Variants in OPRM1 observed in about 807,000 individuals in gnomAD.
The protein encoded by OPRM1 is mu-type opioid receptor.
OPRM1 carries 27 observed loss-of-function variants against 31.8 expected under a neutral mutation model. That is an observed-to-expected ratio of 0.85 (90% CI 0.63 to 1.17). The LOEUF is 1.17. Among genes scored for constraint, OPRM1 ranks in the 50% most tolerant of loss-of-function variants. The pLI is 0.00. For missense variants in OPRM1, 536 were observed against 511.1 expected, an observed-to-expected ratio of 1.05 and a Z score of -0.47; for synonymous variants, 196 against 189.9, an observed-to-expected ratio of 1.03 and a Z score of -0.26.
At chr6:154,041,821 A>G (rs1780127160) in intron 1 of OPRM1, among the ~76,000 whole-genome samples, 1 of 152,178 alleles carries the variant, frequency 6.6e-6, no homozygotes, top group Non-Finnish European at 1.5e-5. Context: ...TCTGAAACAT[A>G]ATATTTTATT....
At chr6:154,081,154 G>A (rs1347662649) in intron 1 of OPRM1, among the ~76,000 whole-genome samples, 1 of 152,228 alleles carries the variant, frequency 6.6e-6, no homozygotes, top group African/African-American at 2.4e-5. Flanking sequence ...TGGGAACAGA[G>A]AGGTTGTGAG....
chr6:154,116,249 A>C (rs1229689535), intron 3 of OPRM1, among the ~76,000 whole-genome samples: 1 of 152,154 alleles, frequency 6.6e-6, no homozygotes, highest in Non-Finnish European at 1.5e-5. Flanking sequence ...TCAGGCTTTA[A>C]ATAGCTTCCT....
In OPRM1 at chr6:154,124,604, A is replaced by G. The variant is rs535629062; in HGVS notation, c.*5883A>G. ...TTTTGTCTCAATCTCAAAAAACAGT[A>G]AGTCTTTAATCCATTTGCATCAAAA... On this transcript the variant is annotated 3_prime_UTR_variant, in exon 4 of 4. Coordinates refer to ENST00000330432, the MANE Select transcript of OPRM1 (RefSeq NM_000914.5). 2.6e-5 allele frequency among the ~76,000 whole-genome samples: 4 copies of G among 152,312 alleles called. No individual in the cohort carries two copies. Among genetic ancestry groups the G allele is most frequent in the African/African-American group, 9.6e-5 (4 of 41,562 alleles).
In OPRM1 at chr6:154,089,283, CA is replaced by C. The variant is rs113749875; in HGVS notation, c.291-532del. Reference sequence around the variant, plus strand: ...ACCTATCACAATGACTGACACATTACAAAAAAAAAAATTAAAACCCTCACTG... The same window carrying C: ...ACCTATCACAATGACTGACACATTACAAAAAAAAAATTAAAACCCTCACTG... On this transcript the variant is annotated intron_variant, in intron 1 of 3. Coordinates refer to ENST00000330432, the MANE Select transcript of OPRM1 (RefSeq NM_000914.5). Among the ~76,000 whole-genome samples the C allele has an allele frequency of 3.3e-4, 48 of 145,302 alleles. No individual in the cohort carries two copies. The East Asian group carries it at 5.5e-3, about 17-fold the overall frequency.
rs559278882 is a variant in OPRM1 at position 154,171,536 on chromosome 6, A to C, written c.1165-75157A>C. On this transcript the variant is annotated intron_variant, in intron 3 of 3. Transcript: ENST00000337049. ...CTTTTTGTGATGCTGAAATGTTCCAAAATTAGATTGTGATGACAGCTGCAC... is the reference window on the plus strand; with the variant it reads ...CTTTTTGTGATGCTGAAATGTTCCACAATTAGATTGTGATGACAGCTGCAC... 5.8e-3 allele frequency among the ~76,000 whole-genome samples: 879 copies of C among 152,338 alleles called. 11 individuals carry two copies. The highest frequency in any genetic ancestry group is 0.021 in the African/African-American group (853 of 41,566).
intron 1 of OPRM1, among the ~76,000 whole-genome samples, chr6:154,033,523 G>A (rs1207679077): frequency 6.6e-6 from 1 of 152,178 alleles, no homozygotes; most frequent in African/African-American, 2.4e-5. Context: ...GGAGCATGAA[G>A]TTCAGGGAGG....
At chr6:154,182,180 A>G (rs1800943599) in intron 3 of OPRM1, among the ~76,000 whole-genome samples, 2 of 152,230 alleles carry the variant, frequency 1.3e-5, no homozygotes, top group Non-Finnish European at 2.9e-5. Flanking sequence ...TCATGAATCT[A>G]AGACAAGAGT....
chr6:154,138,468 G>C (rs1008097915), intron 3 of OPRM1, among the ~76,000 whole-genome samples: 1 of 152,136 alleles, frequency 6.6e-6, no homozygotes, highest in African/African-American at 2.4e-5. Flanking sequence ...AAGTCCTCCC[G>C]GTAAGGCTCA....
Position 154,126,968 on chromosome 6 carries a change from G to T in OPRM1, c.*8247G>T, listed in dbSNP as rs1323002970. Among the ~76,000 whole-genome samples, 1 of 152,120 alleles carries T rather than the reference G, an allele frequency of 6.6e-6. No individual in the cohort carries two copies. Among genetic ancestry groups the T allele is most frequent in the Non-Finnish European group, 1.5e-5 (1 of 68,022 alleles). On this transcript the variant is annotated 3_prime_UTR_variant, in exon 4 of 4. Transcript: ENST00000330432. ...CTACTAAAAATACAAAATTAGGAAG[G>T]CGTGGTGGTGCACGCCTGTAATCCC...
chr6:154,077,439 A>T (rs1788099556), intron 1 of OPRM1, among the ~76,000 whole-genome samples: 1 of 151,394 alleles, frequency 6.6e-6, no homozygotes, highest in Non-Finnish European at 1.5e-5. Flanking sequence ...TTTTTTAAAA[A>T]ACAAAATAAG....
intron 3 of OPRM1, among the ~76,000 whole-genome samples, chr6:154,226,055 C>T (rs955292820): frequency 1.3e-5 from 2 of 152,164 alleles, no homozygotes; most frequent in African/African-American, 4.8e-5. Context: ...TCTAACTATG[C>T]CTTCTTCTCT....
intron 1 of OPRM1, among the ~76,000 whole-genome samples, chr6:154,063,305 G>T (rs1304958953): frequency 6.6e-6 from 1 of 151,912 alleles, no homozygotes; most frequent in East Asian, 1.9e-4. Flanking sequence ...AGTTAGTAAA[G>T]CTTACTGTAC....
upstream of OPRM1, among the ~76,000 whole-genome samples, chr6:154,037,501 A>G (rs1779381750): frequency 6.6e-6 from 1 of 152,086 alleles, no homozygotes; most frequent in Non-Finnish European, 1.5e-5. Flanking sequence ...GTAGTTTCAG[A>G]GCAGATAGAC....
intron 3 of OPRM1, among the ~76,000 whole-genome samples, chr6:154,116,963 C>T (rs768057240): frequency 1.3e-5 from 2 of 152,146 alleles, no homozygotes; most frequent in Admixed American, 6.5e-5. Context: ...AACTTGACAC[C>T]GTTGTGCTTT....
At chr6:154,089,739 A>G in intron 1 of OPRM1, 87 bp from the exon 2 acceptor site, 5 of 875,044 alleles carry the variant, frequency 5.7e-6, no homozygotes, top group Non-Finnish European at 8.9e-6. Context: ...CTTTCTACTA[A>G]TTCATGCAAA....
At chr6:154,165,390 C>T (rs1385848391) in intron 3 of OPRM1, among the ~76,000 whole-genome samples, 1 of 152,186 alleles carries the variant, frequency 6.6e-6, no homozygotes, top group African/African-American at 2.4e-5. Flanking sequence ...CCAACATGAA[C>T]ATGCACACAT....
intron 3 of OPRM1, among the ~76,000 whole-genome samples, chr6:154,195,735 C>G (rs1044179878): frequency 6.6e-6 from 1 of 151,972 alleles, no homozygotes; most frequent in African/African-American, 2.4e-5. Context: ...CTAGTTCCTC[C>G]CACTCAGCCC....
intron 3 of OPRM1, among the ~76,000 whole-genome samples, chr6:154,208,113 T>C (rs1777652092): frequency 6.6e-6 from 1 of 152,190 alleles, no homozygotes; most frequent in Non-Finnish European, 1.5e-5. Context: ...AAGTTGATTA[T>C]ATCCCTCCTC....
chr6:154,085,594 A>G (rs565889032), intron 1 of OPRM1, among the ~76,000 whole-genome samples: 1 of 152,362 alleles, frequency 6.6e-6, no homozygotes, highest in South Asian at 2.1e-4. Flanking sequence ...CTGTGAGTCC[A>G]GATGAGTCTC....
Sources: gnomAD v4.1 joint callset for allele counts (sites outside exome capture counted in the v4.1 genomes callset) on GRCh38, gnomAD v4.1.1 for gene constraint, MANE v1.5 for transcripts, NCBI Gene and HGNC (gene_info 2026-07-23, HGNC 2026-07-21) for gene names.